SORBS2: variants seen among roughly 807,000 people sequenced by gnomAD.
SORBS2 encodes sorbin and SH3 domain-containing protein 2.
Under a neutral mutation model 97.7 loss-of-function variants are expected in SORBS2, and 46 were observed. That is an observed-to-expected ratio of 0.47 (90% CI 0.37 to 0.60). The LOEUF (loss-of-function observed/expected upper bound fraction) is 0.60. SORBS2 is among the 20% of genes least tolerant of loss of function. The pLI is 0.00. For synonymous variants in SORBS2, 476 were observed against 473.4 expected (o/e 1.01, Z -0.07); for missense variants, 1,316 against 1,282.3 (o/e 1.03, Z -0.40).
At chr4:185,922,205 T>TA (rs1435385546) in intron 1 of SORBS2, among the ~76,000 whole-genome samples, 2 of 152,230 alleles carry the variant, frequency 1.3e-5, no homozygotes, top group Non-Finnish European at 2.9e-5. Flanking sequence ...TCTTCTACTG[T>TA]AAAAAATAAT....
At chr4:185,750,406 C>T (rs991182278) in intron 2 of SORBS2, among the ~76,000 whole-genome samples, 1 of 152,188 alleles carries the variant, frequency 6.6e-6, no homozygotes, top group Non-Finnish European at 1.5e-5. Context: ...TCAGGATCCA[C>T]GTGGCTCCAA....
chr4:185,807,630 C>T (rs531245142), intron 1 of SORBS2, among the ~76,000 whole-genome samples: 4 of 152,300 alleles, frequency 2.6e-5, no homozygotes, highest in East Asian at 1.9e-4. Context: ...TAAGCTGAAA[C>T]GTGAGTTCTT....
At chr4:185,673,605 C>T (rs2097753260) in intron 4 of SORBS2, among the ~76,000 whole-genome samples, 1 of 152,174 alleles carries the variant, frequency 6.6e-6, no homozygotes. Flanking sequence ...TCCTTATATG[C>T]CTTACTCAAA....
At chr4:185,670,861 C>G (rs1396686845) in intron 4 of SORBS2, among the ~76,000 whole-genome samples, 2 of 152,152 alleles carry the variant, frequency 1.3e-5, no homozygotes, top group Non-Finnish European at 2.9e-5. Flanking sequence ...AGTAACTGGA[C>G]TATGCTGGGC....
At chr4:185,862,037 G>C (rs1246267797) in intron 1 of SORBS2, among the ~76,000 whole-genome samples, 3 of 152,220 alleles carry the variant, frequency 2.0e-5, no homozygotes, top group African/African-American at 7.2e-5. Context: ...GCAGGGAGGA[G>C]AGCATTACAA....
chr4:185,944,448 A>G (rs1384803238), intron 1 of SORBS2, among the ~76,000 whole-genome samples: 3 of 152,216 alleles, frequency 2.0e-5, no homozygotes, highest in Admixed American at 2.0e-4. Flanking sequence ...AACAAATGAG[A>G]CCAGATATGA....
chr4:185,879,097 G>A (rs918229493), intron 1 of SORBS2, among the ~76,000 whole-genome samples: 5 of 149,780 alleles, frequency 3.3e-5, no homozygotes, highest in Admixed American at 6.6e-5. Context: ...ATGTATACAT[G>A]TGCCATGTTG....
intron 1 of SORBS2, among the ~76,000 whole-genome samples, chr4:185,908,714 T>A (rs1394863993): frequency 6.6e-6 from 1 of 151,916 alleles, no homozygotes; most frequent in Non-Finnish European, 1.5e-5. Context: ...TAGTAAAAAC[T>A]TTTAGAGCAA....
chr4:185,868,521 G>A (rs779079267), intron 1 of SORBS2, among the ~76,000 whole-genome samples: 84 of 152,172 alleles, frequency 5.5e-4, no homozygotes, highest in Admixed American at 1.2e-3. Flanking sequence ...ATTAGTGCTA[G>A]GTTGAGGGGC....
exon 11 of SORBS2, chr4:185,614,910 G>A (rs1387296587): frequency 1.2e-6 from 2 of 1,614,148 alleles, no homozygotes; most frequent in Admixed American, 3.3e-5. Flanking sequence ...TCCGGGCTGG[G>A]CTGGCGGAGG....
At chr4:185,639,134 G>A in intron 4 of SORBS2, 99 bp from the exon 14 acceptor site, 1 of 1,102,160 alleles carries the variant, frequency 9.1e-7, no homozygotes. Flanking sequence ...CGTTAGGCCG[G>A]GAGGGGAGAG....
At chr4:185,871,002 G>A (rs758533467) in intron 1 of SORBS2, among the ~76,000 whole-genome samples, 9 of 152,122 alleles carry the variant, frequency 5.9e-5, no homozygotes, top group Non-Finnish European at 1.3e-4. Context: ...AAGTTTCAGG[G>A]AGTCAGATGA....
At chr4:185,788,859 A>T (rs955619399) in intron 1 of SORBS2, among the ~76,000 whole-genome samples, 2 of 152,216 alleles carry the variant, frequency 1.3e-5, no homozygotes, top group African/African-American at 4.8e-5. Context: ...GTTACAGATT[A>T]AGATCTATCC....
At chr4:185,658,692 CTT>C (rs35439018), upstream of SORBS2, among the ~76,000 whole-genome samples, 97 of 115,950 alleles carry the variant, frequency 8.4e-4, no homozygotes, top group Admixed American at 1.0e-3. Context: ...AATAAGTAAG[CTT>C]TTTTTTTTTT....
exon 15 of SORBS2, chr4:185,587,314 T>G: frequency 3.7e-6 from 1 of 268,708 alleles, no homozygotes; most frequent in Non-Finnish European, 7.0e-6. Flanking sequence ...CTTTTTTTTT[T>G]TTTTTTTGCC....
intron 1 of SORBS2, among the ~76,000 whole-genome samples, chr4:185,801,967 G>A (rs1467711333): frequency 6.6e-6 from 1 of 152,150 alleles, no homozygotes. Context: ...AAATACATGT[G>A]AGTGGTATAA....
chr4:185,839,433 C>G (rs550905406), intron 1 of SORBS2, among the ~76,000 whole-genome samples: 4 of 152,280 alleles, frequency 2.6e-5, no homozygotes, highest in African/African-American at 9.6e-5. Context: ...GACAATGACC[C>G]TGGCCCCAGG....
intron 2 of SORBS2, among the ~76,000 whole-genome samples, chr4:185,718,525 T>C (rs2098484559): frequency 6.6e-6 from 1 of 152,240 alleles, no homozygotes; most frequent in Admixed American, 6.5e-5. Flanking sequence ...TTCTTAAATC[T>C]GCTGTCTTGT....
intron 6 of SORBS2, among the ~76,000 whole-genome samples, chr4:185,625,112 GA>G (rs2096788819): frequency 6.6e-6 from 1 of 151,928 alleles, no homozygotes; most frequent in South Asian, 2.1e-4. Context: ...CATTTTTCTA[GA>G]AAAAAATAGC....
Sources: allele counts gnomAD v4.1 joint callset (sites outside exome capture counted in the v4.1 genomes callset), GRCh38; gene constraint gnomAD v4.1.1; transcripts MANE v1.5; gene names NCBI Gene and HGNC (gene_info 2026-07-23, HGNC 2026-07-21).